GOLGA4: variants seen among roughly 807,000 people sequenced by gnomAD.
GOLGA4 encodes golgin subfamily A member 4.
A neutral mutation model predicts 265.9 loss-of-function variants in GOLGA4; 169 were observed. The ratio of observed to expected loss-of-function variants is 0.64; its 90% CI spans 0.56 to 0.72. GOLGA4 has a LOEUF of 0.72. Ranked by LOEUF, GOLGA4 falls within the 30% of genes least tolerant of loss-of-function variation. GOLGA4 has a pLI of 0.00. For missense variants in GOLGA4, 2,482 were observed against 2,483.4 expected (o/e 1.00, Z 0.01); for synonymous variants, 923 against 855.8 (o/e 1.08, Z -1.37).
intron 9 of GOLGA4, among the ~76,000 whole-genome samples, chr3:37,300,446 T>C (rs2096889685): frequency 6.6e-6 from 1 of 152,192 alleles, no homozygotes; most frequent in Non-Finnish European, 1.5e-5. Flanking sequence ...ATAATACTGC[T>C]TTGCTAGATT....
intron 8 of GOLGA4, 65 bp downstream of exon 8, chr3:37,299,085 A>G (rs934485522): frequency 8.1e-6 from 11 of 1,350,584 alleles, no homozygotes; most frequent in Non-Finnish European, 1.0e-5. Flanking sequence ...GCTCCACAGC[A>G]TGGCTTGTAC....
intron 1 of GOLGA4, among the ~76,000 whole-genome samples, chr3:37,244,689 A>G (rs2096714025): frequency 6.6e-6 from 1 of 152,232 alleles, no homozygotes; most frequent in Non-Finnish European, 1.5e-5. Context: ...TTATTCTGAA[A>G]CTATAAATTG....
At chr3:37,289,335 CAT>C in intron 5 of GOLGA4, 44 bp downstream of exon 5, 1 of 1,171,260 alleles carries the variant, frequency 8.5e-7, no homozygotes, top group Non-Finnish European at 1.3e-6. Context: ...AATTAAATCT[CAT>C]ATTTATCAGA....
intron 23 of GOLGA4, among the ~76,000 whole-genome samples, chr3:37,362,229 ATTTATTTATTATT>A (rs1696343360): frequency 4.3e-5 from 2 of 46,382 alleles, no homozygotes; most frequent in Non-Finnish European, 1.7e-4. Context: ...TTATTTATTT[ATTTATTTATTATT>A]TTTTTTTTTT....
rs550405589 is a variant in GOLGA4, at chr3:37,288,923, T to A, written c.526-312T>A. Among the ~76,000 whole-genome samples the A allele has an allele frequency of 6.6e-5, 10 of 152,388 alleles. No homozygotes were observed. The South Asian group carries it at 2.1e-3, about 32-fold the overall frequency. On this transcript the variant is annotated intron_variant, in intron 4 of 23. Coordinates refer to ENST00000361924, the MANE Select transcript of GOLGA4 (RefSeq NM_002078.5). ...AATTTGATTTAATTTTAAAACATTT[T>A]ATTTTTTAAATTGAACAGACAGTAA...
Position 37,362,780 on chromosome 3 carries a change from C to CCTTTTTTTTTTTTTTTTTTTTT in GOLGA4, c.*33+1475_*33+1476insCTTTTTTTTTTTTTTTTTTTTT, listed in dbSNP as rs1375290747. 9.1e-4 allele frequency among the ~76,000 whole-genome samples: 69 copies of CCTTTTTTTTTTTTTTTTTTTTT among 75,450 alleles called. 3 individuals are homozygous for CCTTTTTTTTTTTTTTTTTTTTT. Among genetic ancestry groups the CCTTTTTTTTTTTTTTTTTTTTT allele is most frequent in the African/African-American group, 3.1e-3 (60 of 19,478 alleles). 49.5% of individuals were successfully genotyped at this position (75,450 alleles called of 152,430 possible). A position where few individuals can be genotyped will look rare whatever the true frequency, so the allele number is the denominator to read the frequency against. On this transcript the variant is annotated intron_variant, in intron 23 of 23. Coordinates refer to ENST00000361924, the MANE Select transcript of GOLGA4 (RefSeq NM_002078.5). ...CGATCTTCCTACCTCAGCCTCTAAG[C>CCTTTTTTTTTTTTTTTTTTTTT]TTTTTTTTTTTTTTTTTTTTGAGAC...
rs1008435571 is a variant in GOLGA4, at chr3:37,282,078, C to T, written c.283C>T (p.Arg95Ter). ...FRSSSKESLVRTSSRESLNRL... is the reference protein window; with the variant it reads ...FRSSSKESLV ...GTCTTCTTCTAAAGAGTCTTTGGTA[C>T]GAACATCTTCCAGAGAATCCCTGAA... The change falls in exon 3 of 24, where the codon CGA becomes TGA. Residue 95 changes from arginine (R) to a stop codon, truncating the protein, a stop_gained. Coordinates refer to ENST00000361924, the MANE Select transcript of GOLGA4 (RefSeq NM_002078.5). LOFTEE classifies it high-confidence loss of function. 23 of 1,613,882 alleles carry T rather than the reference C, an allele frequency of 1.4e-5. No homozygotes were observed. Among genetic ancestry groups the T allele is most frequent in the East Asian group, 2.2e-5 (1 of 44,892 alleles).
intron 4 of GOLGA4, chr3:37,287,643 G>A (rs1253090816): frequency 3.3e-5 from 5 of 152,188 alleles, no homozygotes; most frequent in Admixed American, 2.0e-4. Context: ...CTTTTTCCTA[G>A]CAGTTAGACT....
chr3:37,339,761 A>G (rs1033599106), intron 19 of GOLGA4, among the ~76,000 whole-genome samples: 3 of 152,174 alleles, frequency 2.0e-5, no homozygotes, highest in African/African-American at 4.8e-5. Flanking sequence ...TGCTCTTTAT[A>G]TGTACTAGAG....
At chr3:37,359,812 C>A (rs1255578056) in intron 22 of GOLGA4, among the ~76,000 whole-genome samples, 1 of 152,132 alleles carries the variant, frequency 6.6e-6, no homozygotes, top group Admixed American at 6.5e-5. Context: ...TTACCCTTTC[C>A]CTCTGCATGG....
In GOLGA4 at chr3:37,268,671, A is replaced by G. The variant is rs560551480; in HGVS notation, c.163-13287A>G. Among the ~76,000 whole-genome samples, 57 of 152,142 alleles carry G rather than the reference A, an allele frequency of 3.7e-4. No individual in the cohort carries two copies. In the South Asian group the frequency reaches 0.012, roughly 31 times the overall value. ...ACTGCGACCTCTACCTCCTAAGCTCAGGTGATCCGCCCACTTCAGCCTCCC... is the reference window on the plus strand; with the variant it reads ...ACTGCGACCTCTACCTCCTAAGCTCGGGTGATCCGCCCACTTCAGCCTCCC... On this transcript the variant is annotated intron_variant, in intron 2 of 23. Transcript: ENST00000361924.
intron 16 of GOLGA4, 105 bp downstream of exon 16, chr3:37,329,198 G>T (rs538829290): frequency 3.6e-5 from 25 of 698,920 alleles, no homozygotes; most frequent in South Asian, 1.0e-4. Context: ...AACGAAAAGG[G>T]TTTTTTTTTT....
Position 37,323,707 on chromosome 3 carries a change from C to A in GOLGA4, c.1821C>A (p.Val607=). The change falls in exon 14 of 24, where the codon GTC becomes GTA. Residue 607 remains valine (V), a synonymous_variant. Transcript: ENST00000361924. ...EKNKHNKEIT[V]MVEKHKTELE... Reference sequence around the variant, plus strand: ...ATAAGCACAATAAGGAGATTACAGTCATGGTTGAAAAACACAAGACAGAAT... The same window carrying A: ...ATAAGCACAATAAGGAGATTACAGTAATGGTTGAAAAACACAAGACAGAAT... 2 of 1,613,648 alleles carry A rather than the reference C, an allele frequency of 1.2e-6. No individual in the cohort carries two copies. Among genetic ancestry groups the A allele is most frequent in the South Asian group, 1.1e-5 (1 of 90,878 alleles).
intron 1 of GOLGA4, 105 bp from the exon 2 acceptor site, chr3:37,251,290 T>C (rs764190969): frequency 1.5e-6 from 1 of 666,450 alleles, no homozygotes; most frequent in East Asian, 2.7e-5. Flanking sequence ...TCTTTTCCTT[T>C]CTTTCACTGA....
intron 3 of GOLGA4, among the ~76,000 whole-genome samples, chr3:37,284,525 T>G (rs1559381234): frequency 6.6e-6 from 1 of 152,074 alleles, no homozygotes; most frequent in African/African-American, 2.4e-5. Flanking sequence ...GTGCTGAGAT[T>G]ACAGGCGTGA....
Position 37,243,293 on chromosome 3 carries a change from T to A in GOLGA4, c.-258T>A. 1.9e-6 allele frequency: 1 copy of A among 540,348 alleles called. No individual in the cohort carries two copies. The highest frequency in any genetic ancestry group is 2.3e-5 in the South Asian group (1 of 43,206). 33.5% of individuals were successfully genotyped at this position (540,348 alleles called of 1,614,324 possible). A position where few individuals can be genotyped will look rare whatever the true frequency, so the allele number is the denominator to read the frequency against. ...CACAGTTCACCTGCTGCCGTTGTCG[T>A]CGCCGCCGCGGCTCCCGGGGCTGGA... On this transcript the variant is annotated 5_prime_UTR_variant, in exon 1 of 24. Coordinates refer to ENST00000361924, the MANE Select transcript of GOLGA4 (RefSeq NM_002078.5).
At chr3:37,277,887 T>G (rs1013906563) in intron 2 of GOLGA4, among the ~76,000 whole-genome samples, 2 of 152,106 alleles carry the variant, frequency 1.3e-5, no homozygotes, top group Non-Finnish European at 2.9e-5. Context: ...CTTTGCACTC[T>G]CCTTTGCTCC....
intron 2 of GOLGA4, among the ~76,000 whole-genome samples, chr3:37,255,831 C>G (rs905288838): frequency 6.6e-6 from 1 of 151,472 alleles, no homozygotes; most frequent in Non-Finnish European, 1.5e-5. Flanking sequence ...CAGCACTACG[C>G]AGCTTCAACC....
At chr3:37,317,710 A>G (rs2096941800) in intron 11 of GOLGA4, among the ~76,000 whole-genome samples, 1 of 152,152 alleles carries the variant, frequency 6.6e-6, no homozygotes. Flanking sequence ...TAATATATAT[A>G]ACTCTTAGCA....
Sources: allele counts gnomAD v4.1 joint callset (sites outside exome capture counted in the v4.1 genomes callset), GRCh38; gene constraint gnomAD v4.1.1; transcripts MANE v1.5; gene names NCBI Gene and HGNC (gene_info 2026-07-23, HGNC 2026-07-21).